GABPB1: variants seen among roughly 807,000 people sequenced by gnomAD.
The protein encoded by GABPB1 is GA-binding protein subunit beta-1.
GABPB1 carries 15 observed loss-of-function variants against 45.9 expected under a neutral mutation model. The ratio of observed to expected loss-of-function variants is 0.33; its 90% CI spans 0.22 to 0.50. The LOEUF (loss-of-function observed/expected upper bound fraction) is 0.50, where lower values mean the gene tolerates loss of function less well. GABPB1 is among the 20% of genes least tolerant of loss of function. GABPB1 has a pLI of 0.98. For missense variants in GABPB1, 252 were observed against 457.5 expected, an observed-to-expected ratio of 0.55 and a Z score of 4.10; for synonymous variants, 143 against 154.4, an observed-to-expected ratio of 0.93 and a Z score of 0.55.
intron 8 of GABPB1, among the ~76,000 whole-genome samples, chr15:50,280,185 C>G (rs1036594669): frequency 7.9e-5 from 12 of 152,056 alleles, no homozygotes; most frequent in African/African-American, 2.9e-4. Flanking sequence ...TCCCTTACTC[C>G]CAGTTTAAGC....
chr15:50,278,864 T>TAA (rs532118991), intron 8 of GABPB1, 80 bp from the exon 9 acceptor site: 2,367 of 911,928 alleles, frequency 2.6e-3, no homozygotes, highest in Non-Finnish European at 2.9e-3. Flanking sequence ...TCCTTCAAAT[T>TAA]AAAAAAAAAA....
intron 4 of GABPB1, 47 bp downstream of exon 4, chr15:50,302,882 T>C: frequency 7.8e-7 from 1 of 1,279,064 alleles, no homozygotes; most frequent in Non-Finnish European, 1.1e-6. Flanking sequence ...CCTCTACTGA[T>C]AAGGCTTCTT....
At chr15:50,354,857 C>T (rs998810819) in intron 1 of GABPB1, 128 bp downstream of exon 1, 4 of 228,646 alleles carry the variant, frequency 1.7e-5, no homozygotes, top group African/African-American at 9.6e-5. Context: ...AACCCGGCGC[C>T]TTAATGCAAT....
At chr15:50,333,162 G>T (rs1169736269) in intron 1 of GABPB1, among the ~76,000 whole-genome samples, 3 of 152,106 alleles carry the variant, frequency 2.0e-5, no homozygotes, top group Non-Finnish European at 4.4e-5. Flanking sequence ...ATATTGGACA[G>T]CACAGAAAAA....
intron 1 of GABPB1, among the ~76,000 whole-genome samples, chr15:50,341,925 A>G (rs1319577089): frequency 1.3e-5 from 2 of 152,216 alleles, no homozygotes; most frequent in Non-Finnish European, 2.9e-5. Flanking sequence ...TGGTAACTCC[A>G]ACGCGTCTCA....
chr15:50,354,764 A>G (rs1034963028), intron 1 of GABPB1: 1 of 252,110 alleles, frequency 4.0e-6, no homozygotes, highest in African/African-American at 2.4e-5. Flanking sequence ...CAGTGTGCCC[A>G]GCGGACAAAG....
At chr15:50,344,352 A>C (rs780066664) in intron 1 of GABPB1, among the ~76,000 whole-genome samples, 2 of 152,222 alleles carry the variant, frequency 1.3e-5, no homozygotes, top group Non-Finnish European at 2.9e-5. Flanking sequence ...GGTTCAATTC[A>C]CTTTGTTTGA....
At chr15:50,333,573 T>C (rs184862183) in intron 1 of GABPB1, among the ~76,000 whole-genome samples, 271 of 152,324 alleles carry the variant, frequency 1.8e-3, no homozygotes, top group Non-Finnish European at 3.0e-3. Context: ...TGATCTTTCA[T>C]AGGTGAGATG....
chr15:50,290,231 T>C (rs1384775600), intron 6 of GABPB1, among the ~76,000 whole-genome samples: 1 of 152,206 alleles, frequency 6.6e-6, no homozygotes, highest in Non-Finnish European at 1.5e-5. Context: ...CAATTTCTCA[T>C]TTGGTTGTAT....
At chr15:50,326,261 C>A (rs1358112315) in intron 1 of GABPB1, among the ~76,000 whole-genome samples, 9 of 152,150 alleles carry the variant, frequency 5.9e-5, no homozygotes, top group African/African-American at 2.2e-4. Flanking sequence ...TGCCCATAAT[C>A]CCAGCATTTT....
intron 8 of GABPB1, among the ~76,000 whole-genome samples, chr15:50,283,927 C>G (rs912483519): frequency 6.6e-5 from 10 of 152,134 alleles, no homozygotes; most frequent in Admixed American, 5.9e-4. Flanking sequence ...CTTTAAGTTT[C>G]TCAATCTCAG....
intron 6 of GABPB1, among the ~76,000 whole-genome samples, chr15:50,300,510 T>G (rs2046701554): frequency 7.7e-6 from 1 of 130,472 alleles, no homozygotes; most frequent in South Asian, 2.7e-4. Context: ...TGGCACAAAC[T>G]CAGCTCACTG....
In GABPB1 at chr15:50,355,076, C is replaced by A. The variant is rs989192179; in HGVS notation, c.-92G>T. 6.4e-6 allele frequency: 1 copy of A among 155,392 alleles called. No homozygotes were observed. Among genetic ancestry groups the A allele is most frequent in the African/African-American group, 2.4e-5 (1 of 41,464 alleles). 9.6% of individuals were successfully genotyped at this position (155,392 alleles called of 1,614,324 possible). A position where few individuals can be genotyped will look rare whatever the true frequency, so the allele number is the denominator to read the frequency against. On this transcript the variant is annotated 5_prime_UTR_variant, in exon 1 of 9. Transcript: ENST00000380877. ...GTACCCGGCCGGGCTGACGCGGCCCCGCTACACACAAAGCGCTTCAGCTGC... is the reference window on the plus strand; with the variant it reads ...GTACCCGGCCGGGCTGACGCGGCCCAGCTACACACAAAGCGCTTCAGCTGC...
intron 1 of GABPB1, among the ~76,000 whole-genome samples, chr15:50,336,496 C>CTT (rs2048132361): frequency 2.0e-5 from 3 of 151,748 alleles, no homozygotes; most frequent in Non-Finnish European, 4.4e-5. Context: ...GAGCTTAAGA[C>CTT]TCCATCTCTA....
rs556085324 is a variant in GABPB1 at position 50,285,868 on chromosome 15, TTCAC to T, written c.999+196_999+199del. On this transcript the variant is annotated intron_variant, in intron 8 of 8. Coordinates refer to ENST00000380877, the MANE Select transcript of GABPB1 (RefSeq NM_016654.5). ...ATGACAGACTGTTATAAACAAATTCTTCACTCACTCATTCATTCATTCAATATTT... is the reference window on the plus strand; with the variant it reads ...ATGACAGACTGTTATAAACAAATTCTTCACTCATTCATTCATTCAATATTT... 2,953 of 1,353,844 alleles carry T rather than the reference TTCAC, an allele frequency of 2.2e-3. 5 individuals carry two copies. The highest frequency in any genetic ancestry group is 2.6e-3 in the Non-Finnish European group (2,754 of 1,057,816). 83.9% of individuals were successfully genotyped at this position (1,353,844 alleles called of 1,614,324 possible). A position where few individuals can be genotyped will look rare whatever the true frequency, so the allele number is the denominator to read the frequency against.
intron 7 of GABPB1, among the ~76,000 whole-genome samples, chr15:50,286,678 G>C (rs1006841430): frequency 1.3e-5 from 2 of 152,014 alleles, no homozygotes; most frequent in African/African-American, 4.8e-5. Context: ...ACTACATAGA[G>C]AGCTTCTGTT....
chr15:50,299,545 A>G (rs1222003871), intron 6 of GABPB1, among the ~76,000 whole-genome samples: 5 of 151,928 alleles, frequency 3.3e-5, no homozygotes, highest in African/African-American at 1.2e-4. Flanking sequence ...GATTACAGGC[A>G]TGGGCCACTA....
intron 2 of GABPB1, among the ~76,000 whole-genome samples, chr15:50,305,941 C>T (rs1415522241): frequency 6.6e-6 from 1 of 151,934 alleles, no homozygotes; most frequent in Non-Finnish European, 1.5e-5. Context: ...GCCACCACAC[C>T]TGGCCATGTA....
At chr15:50,308,288 T>C (rs1595775513) in intron 2 of GABPB1, among the ~76,000 whole-genome samples, 1 of 152,256 alleles carries the variant, frequency 6.6e-6, no homozygotes, top group East Asian at 1.9e-4. Context: ...AGTCCAAAGA[T>C]CACTTCAAAT....
Sources: gnomAD v4.1 joint callset for allele counts (sites outside exome capture counted in the v4.1 genomes callset) on GRCh38, gnomAD v4.1.1 for gene constraint, MANE v1.5 for transcripts, NCBI Gene and HGNC (gene_info 2026-07-23, HGNC 2026-07-21) for gene names.